GORASP2: variants seen among roughly 807,000 people sequenced by gnomAD.
The protein encoded by GORASP2 is Golgi reassembly-stacking protein 2.
In GORASP2, 22 loss-of-function variants were observed where a neutral mutation model predicts 45.7. The observed-to-expected ratio is 0.48, with a 90% CI of 0.34 to 0.69. The LOEUF is 0.69. Among genes scored for constraint, GORASP2 ranks in the 30% least tolerant of loss-of-function variants. The pLI is 0.01. For synonymous variants in GORASP2, 221 were observed against 215.6 expected (o/e 1.02, Z -0.22); for missense variants, 491 against 562.7 (o/e 0.87, Z 1.29).
intron 6 of GORASP2, 21 bp from the exon 7 acceptor site, chr2:170,956,415 T>G (rs1371636223): frequency 6.3e-7 from 1 of 1,575,092 alleles, no homozygotes; most frequent in Admixed American, 2.0e-5. Flanking sequence ...ATCTTTGTGT[T>G]TTTTTTTCTT....
intron 9 of GORASP2, among the ~76,000 whole-genome samples, chr2:170,963,470 T>TCC (rs1251788180): frequency 2.4e-4 from 16 of 66,504 alleles, no homozygotes; most frequent in African/African-American, 9.8e-4. Flanking sequence ...CTCCTCCTCC[T>TCC]CCCCCTCCTC....
chr2:170,953,025 T>A (rs1704336036), intron 5 of GORASP2, among the ~76,000 whole-genome samples: 1 of 152,018 alleles, frequency 6.6e-6, no homozygotes. Context: ...AACAAATAAT[T>A]GTGAGATGAA....
chr2:170,952,874 C>A (rs1704329249), intron 5 of GORASP2, among the ~76,000 whole-genome samples: 1 of 152,162 alleles, frequency 6.6e-6, no homozygotes, highest in African/African-American at 2.4e-5. Context: ...TGGGGCCTTG[C>A]TTTGTTTCCC....
chr2:170,964,883 T>G lies in GORASP2; in HGVS notation c.1019-907T>G, dbSNP rs150432372. 1.5e-4 allele frequency among the ~76,000 whole-genome samples: 22 copies of G among 146,846 alleles called. 1 individual carries two copies. The East Asian group carries it at 4.4e-3, about 29-fold the overall frequency. On this transcript the variant is annotated intron_variant, in intron 9 of 9. Coordinates refer to ENST00000234160, the MANE Select transcript of GORASP2 (RefSeq NM_015530.5). ...TGAAATAATTCTCCTTTCCTTCATATGCATTTTAATTTTTTTTTTTTTTTT... is the reference window on the plus strand; with the variant it reads ...TGAAATAATTCTCCTTTCCTTCATAGGCATTTTAATTTTTTTTTTTTTTTT...
At chr2:170,944,491 AG>A (rs1161280183) in intron 1 of GORASP2, among the ~76,000 whole-genome samples, 1 of 152,248 alleles carries the variant, frequency 6.6e-6, no homozygotes, top group Non-Finnish European at 1.5e-5. Context: ...ATAGAAAAAT[AG>A]AGCTAGGGAA....
chr2:170,951,110 A>C (rs1704290077), intron 4 of GORASP2, among the ~76,000 whole-genome samples: 1 of 152,228 alleles, frequency 6.6e-6, no homozygotes, highest in African/African-American at 2.4e-5. Flanking sequence ...TGCCAACTAG[A>C]TCTTAAGGAA....
chr2:170,964,210 C>A (rs1328200589), intron 9 of GORASP2, among the ~76,000 whole-genome samples: 1 of 152,198 alleles, frequency 6.6e-6, no homozygotes, highest in Admixed American at 6.5e-5. Context: ...TTTTATAGGC[C>A]CGTCAGTGAT....
At chr2:170,938,627 T>C (rs1704008053) in intron 1 of GORASP2, among the ~76,000 whole-genome samples, 3 of 152,238 alleles carry the variant, frequency 2.0e-5, no homozygotes, top group African/African-American at 7.2e-5. Flanking sequence ...GTAGAATCTA[T>C]AGATAGCTTA....
At chr2:170,964,652 C>CA (rs971995325) in intron 9 of GORASP2, among the ~76,000 whole-genome samples, 9 of 149,278 alleles carry the variant, frequency 6.0e-5, no homozygotes, top group South Asian at 2.1e-4. Context: ...GACTCCGTCT[C>CA]AAAAAAAAAT....
intron 1 of GORASP2, among the ~76,000 whole-genome samples, chr2:170,947,367 G>A (rs1415906473): frequency 6.6e-6 from 1 of 152,162 alleles, no homozygotes; most frequent in Non-Finnish European, 1.5e-5. Flanking sequence ...TACTCATACT[G>A]TTTTGTCCAT....
Position 170,961,752 on chromosome 2 carries a change from AACC to A in GORASP2, c.910+8_910+10del, listed in dbSNP as rs1704567213. 6.8e-7 allele frequency: 1 copy of A among 1,466,640 alleles called. No individual in the cohort carries two copies. Among genetic ancestry groups the A allele is most frequent in the African/African-American group, 1.4e-5 (1 of 72,074 alleles). The allele number at this position is 1,466,640 out of a possible 1,614,324, so 90.9% of individuals were successfully genotyped here. A position where few individuals can be genotyped will look rare whatever the true frequency, so the allele number is the denominator to read the frequency against. ...GAATCCAGCTACTACATTACCAGGT[AACC>A]ACCAGGGGACTAGAGATGTGGCTGA... On this transcript the variant is annotated splice_donor_5th_base_variant and intron_variant, in intron 8 of 9. Coordinates refer to ENST00000234160, the MANE Select transcript of GORASP2 (RefSeq NM_015530.5).
intron 6 of GORASP2, among the ~76,000 whole-genome samples, chr2:170,955,266 GACAA>G (rs1211424595): frequency 1.3e-5 from 2 of 152,196 alleles, no homozygotes; most frequent in East Asian, 3.8e-4. Flanking sequence ...CTTGCCAGGG[GACAA>G]ACAAACTGCA....
chr2:170,941,633 A>C (rs1704079844), intron 1 of GORASP2, among the ~76,000 whole-genome samples: 1 of 152,108 alleles, frequency 6.6e-6, no homozygotes, highest in Non-Finnish European at 1.5e-5. Flanking sequence ...CTAGGTACTC[A>C]TTTGTATCTG....
At chr2:170,929,438 C>G in intron 1 of GORASP2, 35 bp downstream of exon 1, 1 of 1,340,092 alleles carries the variant, frequency 7.5e-7, no homozygotes, top group Non-Finnish European at 9.6e-7. Flanking sequence ...GAGCTGCGGG[C>G]TGGAGGCGGG....
intron 8 of GORASP2, 86 bp from the exon 9 acceptor site, chr2:170,962,752 TG>T: frequency 1.2e-6 from 1 of 824,140 alleles, no homozygotes; most frequent in South Asian, 1.4e-5. Context: ...CACTTAGAAG[TG>T]GCTGGGATTG....
intron 1 of GORASP2, among the ~76,000 whole-genome samples, chr2:170,933,888 G>C (rs559184535): frequency 2.0e-5 from 3 of 152,318 alleles, no homozygotes; most frequent in Admixed American, 1.3e-4. Context: ...TGTGTCACGA[G>C]TGTAATAACA....
intron 1 of GORASP2, among the ~76,000 whole-genome samples, chr2:170,934,553 G>A (rs1014315358): frequency 2.0e-5 from 3 of 151,930 alleles, no homozygotes; most frequent in South Asian, 2.1e-4. Context: ...TAGCCACCAC[G>A]CCCTACCTCA....
At chr2:170,939,670 A>T (rs1704029618) in intron 1 of GORASP2, among the ~76,000 whole-genome samples, 1 of 152,174 alleles carries the variant, frequency 6.6e-6, no homozygotes, top group African/African-American at 2.4e-5. Flanking sequence ...AATATAGTAC[A>T]GTATATGTAG....
intron 1 of GORASP2, among the ~76,000 whole-genome samples, chr2:170,942,601 T>G (rs1381818116): frequency 6.6e-6 from 1 of 152,250 alleles, no homozygotes; most frequent in East Asian, 1.9e-4. Context: ...TATCCATTTA[T>G]CAGTTGGGGG....
Sources: gnomAD v4.1 joint callset for allele counts (sites outside exome capture counted in the v4.1 genomes callset) on GRCh38, gnomAD v4.1.1 for gene constraint, MANE v1.5 for transcripts, NCBI Gene and HGNC (gene_info 2026-07-23, HGNC 2026-07-21) for gene names.